The following PLCB1 variants were observed in gnomAD, a reference collection of about 807,000 sequenced individuals.
The protein encoded by PLCB1 is 1-phosphatidylinositol 4,5-bisphosphate phosphodiesterase beta-1.
PLCB1 carries 46 observed loss-of-function variants against 161.8 expected under a neutral mutation model. The observed-to-expected ratio is 0.28, with a 90% CI of 0.22 to 0.36. The LOEUF (loss-of-function observed/expected upper bound fraction) is 0.36, where lower values mean the gene tolerates loss of function less well. Among genes scored for constraint, PLCB1 ranks in the 10% least tolerant of loss-of-function variants. The pLI, the probability that PLCB1 is intolerant of heterozygous loss-of-function variation, is 1.00. For missense variants in PLCB1, 1,016 were observed against 1,472.5 expected (o/e 0.69, Z 5.07); for synonymous variants, 517 against 503.7 (o/e 1.03, Z -0.35).
chr20:8,172,531 G>A (rs2051743398), intron 2 of PLCB1, among the ~76,000 whole-genome samples: 1 of 152,152 alleles, frequency 6.6e-6, no homozygotes, highest in African/African-American at 2.4e-5. Context: ...GAAGACAAGG[G>A]CGAATTATAT....
chr20:8,500,277 C>A (rs1983350369), intron 3 of PLCB1, among the ~76,000 whole-genome samples: 1 of 152,126 alleles, frequency 6.6e-6, no homozygotes, highest in African/African-American at 2.4e-5. Context: ...ATATTTTATA[C>A]CATACGAATT....
chr20:8,635,605 A>G (rs1431488299), intron 4 of PLCB1, among the ~76,000 whole-genome samples: 1 of 152,094 alleles, frequency 6.6e-6, no homozygotes, highest in African/African-American at 2.4e-5. Context: ...TGTGACTGTC[A>G]CTTCCCTACC....
chr20:8,269,897 A>T lies in PLCB1; in HGVS notation c.178-101485A>T, dbSNP rs577076276. Among the ~76,000 whole-genome samples the T allele has an allele frequency of 1.2e-4, 16 of 136,830 alleles. No individual in the cohort carries two copies. The East Asian group carries it at 2.2e-3, about 19-fold the overall frequency. The allele number at this position is 136,830 out of a possible 152,430, so 89.8% of individuals were successfully genotyped here. The stretch of plus-strand genomic sequence containing the variant: ...TTGTGAAATGTAGATCTTTTCCTTT[A>T]AAAAAAAAAAGCCTGGCTAACCTTA... On this transcript the variant is annotated intron_variant, in intron 2 of 31. Coordinates refer to ENST00000338037, the MANE Select transcript of PLCB1 (RefSeq NM_015192.4).
At chr20:8,428,643 C>T (rs111715072) in intron 3 of PLCB1, among the ~76,000 whole-genome samples, 19 of 152,250 alleles carry the variant, frequency 1.2e-4, no homozygotes, top group Non-Finnish European at 2.4e-4. Flanking sequence ...CCCAAGAGAA[C>T]GACGATTTCA....
intron 3 of PLCB1, among the ~76,000 whole-genome samples, chr20:8,528,712 C>G (rs1253024334): frequency 6.6e-6 from 1 of 151,788 alleles, no homozygotes; most frequent in Non-Finnish European, 1.5e-5. Context: ...GAAAGTAAAG[C>G]CTTATTTGTT....
chr20:8,665,959 C>A (rs1173701301), intron 9 of PLCB1, among the ~76,000 whole-genome samples: 2 of 152,156 alleles, frequency 1.3e-5, no homozygotes, highest in Admixed American at 1.3e-4. Flanking sequence ...ATTCCCATGT[C>A]CCTTGGCAAT....
chr20:8,775,473 T>G (rs1026739966), intron 27 of PLCB1, among the ~76,000 whole-genome samples: 1 of 152,146 alleles, frequency 6.6e-6, no homozygotes, highest in Non-Finnish European at 1.5e-5. Flanking sequence ...TTTTAAGAGA[T>G]ATTTGTATAA....
chr20:8,591,202 G>A (rs891506648), intron 3 of PLCB1, among the ~76,000 whole-genome samples: 2 of 152,086 alleles, frequency 1.3e-5, no homozygotes, highest in African/African-American at 4.8e-5. Flanking sequence ...AAGATCAGCT[G>A]CTAGCATGCT....
chr20:8,706,450 C>T (rs774846226), intron 11 of PLCB1, among the ~76,000 whole-genome samples: 4 of 152,138 alleles, frequency 2.6e-5, no homozygotes, highest in Non-Finnish European at 5.9e-5. Context: ...TGACTGTACT[C>T]GGGACCTATT....
At chr20:8,381,762 T>C (rs561097986) in intron 3 of PLCB1, among the ~76,000 whole-genome samples, 3 of 152,322 alleles carry the variant, frequency 2.0e-5, no homozygotes, top group African/African-American at 7.2e-5. Context: ...TGATGGTAGT[T>C]TGTATTTCTA....
chr20:8,351,892 G>T (rs1442100146), intron 2 of PLCB1, among the ~76,000 whole-genome samples: 1 of 152,004 alleles, frequency 6.6e-6, no homozygotes, highest in Admixed American at 6.6e-5. Flanking sequence ...TTACTAATGG[G>T]GTTGCAAAAT....
At position 8,486,790 on chromosome 20, in the gene PLCB1, C is replaced by T. The variant is rs187800544; in HGVS notation, c.246+115340C>T. 2.0e-4 allele frequency among the ~76,000 whole-genome samples: 30 copies of T among 152,308 alleles called. No individual in the cohort carries two copies. The East Asian group carries it at 2.9e-3, about 15-fold the overall frequency. The stretch of plus-strand genomic sequence containing the variant: ...GATTACAGGCGTGAGCCACCGCGCC[C>T]GGCCTCCAAAATATTTTCTTAAGGG... On this transcript the variant is annotated intron_variant, in intron 3 of 31. Coordinates refer to ENST00000338037, the MANE Select transcript of PLCB1 (RefSeq NM_015192.4).
At chr20:8,484,050 A>C (rs1982618228) in intron 3 of PLCB1, among the ~76,000 whole-genome samples, 1 of 152,114 alleles carries the variant, frequency 6.6e-6, no homozygotes, top group Admixed American at 6.6e-5. Flanking sequence ...TTTGAGAAGG[A>C]ATTTTGCTCT....
chr20:8,799,785 A>G (rs1249810821), intron 31 of PLCB1, among the ~76,000 whole-genome samples: 1 of 152,088 alleles, frequency 6.6e-6, no homozygotes, highest in East Asian at 1.9e-4. Context: ...CCTTTATATA[A>G]CATTGTATAG....
intron 3 of PLCB1, among the ~76,000 whole-genome samples, chr20:8,526,899 C>T (rs1028549843): frequency 2.6e-5 from 4 of 152,000 alleles, no homozygotes; most frequent in African/African-American, 9.7e-5. Context: ...GGTTTTCACC[C>T]CTCATCTTTA....
At chr20:8,544,596 G>C (rs571407525) in intron 3 of PLCB1, among the ~76,000 whole-genome samples, 1 of 152,206 alleles carries the variant, frequency 6.6e-6, no homozygotes, top group Admixed American at 6.5e-5. Context: ...AAGGCACTGC[G>C]TATGTGTAAG....
In PLCB1 at chr20:8,620,367, GA is replaced by G. The variant is rs570177566; in HGVS notation, c.247-7926del. Among the ~76,000 whole-genome samples, 549 of 152,160 alleles carry G rather than the reference GA, an allele frequency of 3.6e-3. 3 individuals are homozygous for G. Among genetic ancestry groups the G allele is most frequent in the Non-Finnish European group, 5.0e-3 (342 of 67,988 alleles). On this transcript the variant is annotated intron_variant, in intron 3 of 31. Transcript: ENST00000338037. The stretch of plus-strand genomic sequence containing the variant: ...TCCTCATCCCACAGTTTGGAAAACT[GA>G]GGCACAGAATGATTAACAAAATTTT...
chr20:8,509,952 A>G (rs997802613), intron 3 of PLCB1, among the ~76,000 whole-genome samples: 5 of 152,176 alleles, frequency 3.3e-5, no homozygotes. Flanking sequence ...TTTGGCCTTA[A>G]TTATAATGTT....
intron 3 of PLCB1, among the ~76,000 whole-genome samples, chr20:8,401,624 T>G (rs1473689922): frequency 6.6e-6 from 1 of 152,162 alleles, no homozygotes; most frequent in Non-Finnish European, 1.5e-5. Context: ...CTGCTGAAGG[T>G]CTGCAAAAAC....
Sources: allele counts gnomAD v4.1 joint callset (sites outside exome capture counted in the v4.1 genomes callset), GRCh38; gene constraint gnomAD v4.1.1; transcripts MANE v1.5; gene names NCBI Gene and HGNC (gene_info 2026-07-23, HGNC 2026-07-21).